The following RANBP3 variants were observed in gnomAD, a reference collection of about 807,000 sequenced individuals.
The protein encoded by RANBP3 is RAN binding protein 3, also known as ran-binding protein 3.
Under a neutral mutation model 77.3 loss-of-function variants are expected in RANBP3, and 14 were observed. The ratio of observed to expected loss-of-function variants is 0.18; its 90% CI spans 0.12 to 0.28. The LOEUF (loss-of-function observed/expected upper bound fraction) is 0.28. Among genes scored for constraint, RANBP3 ranks in the 10% least tolerant of loss-of-function variants. The pLI, the probability that RANBP3 is intolerant of heterozygous loss-of-function variation, is 1.00. For synonymous variants in RANBP3, 315 were observed against 312.4 expected, an observed-to-expected ratio of 1.01 and a Z score of -0.09; for missense variants, 586 against 752.3, an observed-to-expected ratio of 0.78 and a Z score of 2.59.
chr19:5,965,550 C>T (rs1280329205), intron 1 of RANBP3, among the ~76,000 whole-genome samples: 1 of 152,060 alleles, frequency 6.6e-6, no homozygotes, highest in Non-Finnish European at 1.5e-5. Context: ...TGTAGAGCCC[C>T]TTGGGACAGG....
intron 2 of RANBP3, 67 bp downstream of exon 2, chr19:5,957,851 G>C: frequency 1.3e-6 from 2 of 1,566,176 alleles, no homozygotes; most frequent in South Asian, 2.2e-5. Flanking sequence ...ACCTGGAAAA[G>C]AGACTCTCAG....
rs138033713 is a variant in RANBP3 at position 5,952,925 on chromosome 19, T to C, written c.79-1329A>G. Among the ~76,000 whole-genome samples, 31 of 152,314 alleles carry C rather than the reference T, an allele frequency of 2.0e-4. No individual in the cohort carries two copies. Among genetic ancestry groups the C allele is most frequent in the African/African-American group, 7.0e-4 (29 of 41,568 alleles). ...GCCACCCATGTCTGTTGCTACTTGA[T>C]GGTGAGAGACTTAACACCTCACAAG... On this transcript the variant is annotated intron_variant, in intron 2 of 16. Transcript: ENST00000340578. This position sits in a 1 kb window ranked among gnomAD's most constrained non-coding sequence, Gnocchi z 4.1.
chr19:5,965,249 T>C (rs1324297272), intron 1 of RANBP3, among the ~76,000 whole-genome samples: 2 of 150,916 alleles, frequency 1.3e-5, no homozygotes. Flanking sequence ...TGAACCCTGA[T>C]GAAGTCACCT....
rs142634827 is a variant in RANBP3, at chr19:5,966,348, G to A, written c.23-8375C>T. ...GTGATTATCCCAATGGCTGATCCCC[G>A]ACAAGACTGCAATCCTTTAAGGTTG... On this transcript the variant is annotated intron_variant, in intron 1 of 16. Transcript: ENST00000340578. 4.6e-5 allele frequency among the ~76,000 whole-genome samples: 7 copies of A among 152,226 alleles called. No individual in the cohort carries two copies. In the East Asian group the frequency reaches 1.4e-3, roughly 29 times the overall value.
At chr19:5,965,967 G>A (rs1446689793) in intron 1 of RANBP3, 4 of 152,182 alleles carry the variant, frequency 2.6e-5, no homozygotes, top group Admixed American at 6.5e-5. Context: ...GCGACCTGTC[G>A]GAGGTGGGCC....
intron 1 of RANBP3, among the ~76,000 whole-genome samples, chr19:5,973,879 G>A (rs985253683): frequency 4.6e-5 from 7 of 152,148 alleles, no homozygotes; most frequent in South Asian, 2.1e-4. Flanking sequence ...GTGTGGAAAC[G>A]GGGGGCTCAA....
chr19:5,951,088 G>T (rs994766221), intron 3 of RANBP3, among the ~76,000 whole-genome samples: 1 of 152,142 alleles, frequency 6.6e-6, no homozygotes, highest in Non-Finnish European at 1.5e-5. Context: ...GGTTTGGAAG[G>T]TTCTACTTCA....
intron 13 of RANBP3, among the ~76,000 whole-genome samples, chr19:5,922,194 G>C (rs886993833): frequency 6.6e-6 from 1 of 152,150 alleles, no homozygotes; most frequent in African/African-American, 2.4e-5. Context: ...TGCTTTAAAA[G>C]GATGGATTAT....
chr19:5,975,353 C>T (rs1173812203), intron 1 of RANBP3, among the ~76,000 whole-genome samples: 2 of 152,068 alleles, frequency 1.3e-5, no homozygotes, highest in Non-Finnish European at 2.9e-5. Flanking sequence ...CTCTCTTTGG[C>T]CCTTACCAGT....
rs2057870961 is a variant in RANBP3 at position 5,924,290 on chromosome 19, T to A, written c.997-376A>T. 6.6e-6 allele frequency among the ~76,000 whole-genome samples: 1 copy of A among 152,182 alleles called. No homozygotes were observed. The highest frequency in any genetic ancestry group is 1.5e-5 in the Non-Finnish European group (1 of 68,018). On this transcript the variant is annotated intron_variant, in intron 11 of 16. Coordinates refer to ENST00000340578, the MANE Select transcript of RANBP3 (RefSeq NM_007322.3). The surrounding 1 kb of genome is among the most constrained non-coding windows in gnomAD (Gnocchi z 4.7). ...CGGCTCAGGACAGGCCCTCACGCAG[T>A]CGCAATGGAGCTGGGTGGAATCAGG...
intron 7 of RANBP3, 92 bp from the exon 8 acceptor site, chr19:5,931,623 T>G: frequency 7.2e-7 from 1 of 1,396,316 alleles, no homozygotes; most frequent in Non-Finnish European, 9.6e-7. Context: ...ACGTCTAGTC[T>G]AGGGCCCCTC....
intron 1 of RANBP3, among the ~76,000 whole-genome samples, chr19:5,977,828 C>T (rs548171456): frequency 2.6e-5 from 4 of 152,214 alleles, no homozygotes; most frequent in African/African-American, 7.2e-5. Context: ...GGCCACCCGG[C>T]TCCTCTAGCC....
At chr19:5,929,944 T>G (rs2057966422) in intron 8 of RANBP3, among the ~76,000 whole-genome samples, 1 of 152,074 alleles carries the variant, frequency 6.6e-6, no homozygotes, top group African/African-American at 2.4e-5. Context: ...GCTCAACCAT[T>G]TGGGAACAAG....
chr19:5,972,795 C>T (rs1465109911), intron 1 of RANBP3, among the ~76,000 whole-genome samples: 2 of 152,180 alleles, frequency 1.3e-5, no homozygotes, highest in African/African-American at 4.8e-5. Flanking sequence ...CGAAGCTCAC[C>T]CCATTCCTGC....
chr19:5,923,763 C>T (rs1381891334), intron 12 of RANBP3, 49 bp downstream of exon 12: 1 of 1,485,148 alleles, frequency 6.7e-7, no homozygotes, highest in African/African-American at 1.4e-5. Flanking sequence ...CCAGCATCCC[C>T]CAAGATGACC....
chr19:5,918,893 T>C lies in RANBP3; in HGVS notation c.1331-255A>G, dbSNP rs191569201. Among the ~76,000 whole-genome samples the C allele has an allele frequency of 5.7e-4, 87 of 152,366 alleles. 1 individual carries two copies. Among genetic ancestry groups the C allele is most frequent in the Admixed American group, 5.6e-3 (86 of 15,306 alleles). On this transcript the variant is annotated intron_variant, in intron 14 of 16. Transcript: ENST00000340578. ...TGCAGGTGGCTGCACAGGCTGGTGCTGCAGATCAGTGACCAGAGGCCACAT... is the reference window on the plus strand; with the variant it reads ...TGCAGGTGGCTGCACAGGCTGGTGCCGCAGATCAGTGACCAGAGGCCACAT...
At chr19:5,933,339 G>T in intron 6 of RANBP3, 75 bp downstream of exon 6, 1 of 1,218,850 alleles carries the variant, frequency 8.2e-7, no homozygotes, top group Non-Finnish European at 1.2e-6. Flanking sequence ...AGCCCGCGGT[G>T]CCCTGGTGTG....
chr19:5,963,534 G>A (rs541933851), intron 1 of RANBP3, among the ~76,000 whole-genome samples: 1 of 152,242 alleles, frequency 6.6e-6, no homozygotes, highest in Non-Finnish European at 1.5e-5. Context: ...CTGGGTGACA[G>A]AGTGAGACCT....
chr19:5,969,240 T>C (rs2058503135), intron 1 of RANBP3, among the ~76,000 whole-genome samples: 1 of 152,162 alleles, frequency 6.6e-6, no homozygotes, highest in Non-Finnish European at 1.5e-5. Flanking sequence ...CCAGTGGCCA[T>C]CACCATCAAT....
Sources: allele counts gnomAD v4.1 joint callset (sites outside exome capture counted in the v4.1 genomes callset), GRCh38; gene constraint gnomAD v4.1.1; non-coding constraint Gnocchi (gnomAD v3.1); transcripts MANE v1.5; gene names NCBI Gene and HGNC (gene_info 2026-07-23, HGNC 2026-07-21).